SLC2A2: variants seen among roughly 807,000 people sequenced by gnomAD.
The protein encoded by SLC2A2 is solute carrier family 2 member 2, also known as solute carrier family 2, facilitated glucose transporter member 2.
SLC2A2 carries 36 observed loss-of-function variants against 54.5 expected under a neutral mutation model. The ratio of observed to expected loss-of-function variants is 0.66; its 90% CI spans 0.51 to 0.87. The LOEUF is 0.87. SLC2A2 is among the 40% of genes least tolerant of loss of function. The probability of loss-of-function intolerance (pLI) is 0.00; values close to 1 mark genes in which losing one functional copy is unlikely to be tolerated. For missense variants in SLC2A2, 543 were observed against 624.3 expected (o/e 0.87, Z 1.39); for synonymous variants, 223 against 219.1 (o/e 1.02, Z -0.16).
intron 2 of SLC2A2, among the ~76,000 whole-genome samples, chr3:171,014,936 G>A (rs1716072694): frequency 6.6e-6 from 1 of 152,078 alleles, no homozygotes; most frequent in Admixed American, 6.5e-5. Flanking sequence ...AACCAGGCAG[G>A]AACAAATAAA....
At chr3:171,025,482 T>C (rs1201994400) in intron 1 of SLC2A2, among the ~76,000 whole-genome samples, 2 of 152,150 alleles carry the variant, frequency 1.3e-5, no homozygotes, top group East Asian at 1.9e-4. Flanking sequence ...GAATATCCCA[T>C]ATTATATCAC....
intron 7 of SLC2A2, among the ~76,000 whole-genome samples, chr3:171,004,911 C>T (rs1715520316): frequency 6.6e-6 from 1 of 151,966 alleles, no homozygotes; most frequent in African/African-American, 2.4e-5. Flanking sequence ...GAACCCTTGA[C>T]TCCATTTGGC....
intron 2 of SLC2A2, among the ~76,000 whole-genome samples, chr3:171,017,040 C>A (rs1184387162): frequency 6.6e-6 from 1 of 151,800 alleles, no homozygotes; most frequent in East Asian, 1.9e-4. Flanking sequence ...TTAGTAGAGA[C>A]AGGGTTTCTC....
At chr3:171,004,659 A>G (rs1996220) in intron 7 of SLC2A2, among the ~76,000 whole-genome samples, 31,584 of 151,712 alleles carry the variant, frequency 0.21, 4,486 homozygotes, top group African/African-American at 0.41. Context: ...AATTGTCAGT[A>G]GAACCATCTT....
intron 3 of SLC2A2, among the ~76,000 whole-genome samples, chr3:171,014,093 G>A (rs2108255799): frequency 6.6e-6 from 1 of 152,328 alleles, no homozygotes. Context: ...GAGACATAGT[G>A]TGATTTGGTG....
intron 6 of SLC2A2, 141 bp downstream of exon 6, chr3:171,005,802 A>C: frequency 4.9e-6 from 4 of 820,824 alleles, no homozygotes; most frequent in Non-Finnish European, 8.1e-6. Flanking sequence ...ATGGGTGCCA[A>C]ATGACATGCA....
intron 1 of SLC2A2, among the ~76,000 whole-genome samples, chr3:171,020,143 G>A (rs1446179790): frequency 1.3e-5 from 2 of 152,130 alleles, no homozygotes; most frequent in African/African-American, 4.8e-5. Flanking sequence ...TGGGGTGATA[G>A]TAAATCTCCC....
At chr3:171,006,630 C>T (rs1035297575) in intron 5 of SLC2A2, among the ~76,000 whole-genome samples, 7 of 151,894 alleles carry the variant, frequency 4.6e-5, no homozygotes, top group Admixed American at 1.3e-4. Flanking sequence ...TATAGACTAC[C>T]CTCTGGATTG....
At chr3:171,026,533 G>C in intron 1 of SLC2A2, 123 bp downstream of exon 1, 1 of 833,028 alleles carries the variant, frequency 1.2e-6, no homozygotes, top group Non-Finnish European at 2.1e-6. Flanking sequence ...GCAAAGTAAA[G>C]AGAATTAATT....
intron 8 of SLC2A2, among the ~76,000 whole-genome samples, chr3:171,000,283 A>C (rs1480292772): frequency 2.0e-5 from 3 of 152,080 alleles, no homozygotes; most frequent in African/African-American, 7.2e-5. Context: ...AGTTCATTAA[A>C]TTTCTCTCTA....
Position 171,010,281 on chromosome 3 carries a change from A to G in SLC2A2, c.372-199T>C, listed in dbSNP as rs73879255. Among the ~76,000 whole-genome samples, 350 of 152,234 alleles carry G rather than the reference A, an allele frequency of 2.3e-3. 2 individuals are homozygous for G. Among genetic ancestry groups the G allele is most frequent in the African/African-American group, 8.3e-3 (344 of 41,562 alleles). Reference sequence around the variant, plus strand: ...AAAGTATTACTAATAAGCAAGACTTATGATGGGATAACCTAGGTTGCATCC... The same window carrying G: ...AAAGTATTACTAATAAGCAAGACTTGTGATGGGATAACCTAGGTTGCATCC... On this transcript the variant is annotated intron_variant, in intron 3 of 10. Transcript: ENST00000314251.
chr3:171,014,459 AT>A lies in SLC2A2; in HGVS notation c.371+9del, dbSNP rs761364319. The A allele has an allele frequency of 6.2e-7, 1 of 1,613,784 alleles. No individual in the cohort carries two copies. The highest frequency in any genetic ancestry group is 8.5e-7 in the Non-Finnish European group (1 of 1,179,796). ...GTTTCTGTTTATGCTTATTTATGAA[AT>A]TTGCCTACCTTCCAAGTGTGTCCCC... On this transcript the variant is annotated intron_variant, in intron 3 of 10. Transcript: ENST00000314251.
intron 1 of SLC2A2, among the ~76,000 whole-genome samples, chr3:171,019,746 G>C (rs1190029891): frequency 6.6e-6 from 1 of 152,140 alleles, no homozygotes; most frequent in Non-Finnish European, 1.5e-5. Flanking sequence ...TTTAAGTGGC[G>C]AAGGAAGTTA....
At chr3:171,025,311 TTATAA>T (rs1462051999) in intron 1 of SLC2A2, among the ~76,000 whole-genome samples, 6 of 94,770 alleles carry the variant, frequency 6.3e-5, no homozygotes, top group South Asian at 3.0e-4. Flanking sequence ...TGTTTATACA[TTATAA>T]TATAATTTAT....
chr3:171,004,972 C>G (rs1715522052), intron 7 of SLC2A2, among the ~76,000 whole-genome samples: 1 of 151,926 alleles, frequency 6.6e-6, no homozygotes, highest in African/African-American at 2.4e-5. Flanking sequence ...AAGCTCCTTG[C>G]AGTTTTTTGG....
chr3:171,005,942 C>T lies in SLC2A2; in HGVS notation c.775+1G>A, dbSNP rs756874949. On this transcript the variant is annotated splice_donor_variant, in intron 6 of 10. Transcript: ENST00000314251. LOFTEE classifies it high-confidence loss of function. Reference sequence around the variant, plus strand: ...GAAAGAAAAACCATCCACAGACTTACTTTGTTTTGCTTTGACTTCCTCATC... The same window carrying T: ...GAAAGAAAAACCATCCACAGACTTATTTTGTTTTGCTTTGACTTCCTCATC... 6 of 1,611,752 alleles carry T rather than the reference C, an allele frequency of 3.7e-6. No homozygotes were observed. In the African/African-American group the frequency reaches 5.3e-5, roughly 14 times the overall value.
At chr3:171,019,942 C>T (rs1716374628) in intron 1 of SLC2A2, among the ~76,000 whole-genome samples, 1 of 152,028 alleles carries the variant, frequency 6.6e-6, no homozygotes, top group Admixed American at 6.6e-5. Flanking sequence ...TTCTTGTATT[C>T]ATATGATTAG....
chr3:171,009,540 A>G (rs1243015716), intron 4 of SLC2A2, among the ~76,000 whole-genome samples: 2 of 152,060 alleles, frequency 1.3e-5, no homozygotes, highest in Non-Finnish European at 2.9e-5. Context: ...ACTGTCTGCT[A>G]TACCACAGCA....
At chr3:171,022,175 T>C (rs974272814) in intron 1 of SLC2A2, among the ~76,000 whole-genome samples, 2 of 152,218 alleles carry the variant, frequency 1.3e-5, no homozygotes, top group Non-Finnish European at 2.9e-5. Context: ...TAGTTTAACA[T>C]CTCACAGTTA....
Sources: allele counts gnomAD v4.1 joint callset (sites outside exome capture counted in the v4.1 genomes callset), GRCh38; gene constraint gnomAD v4.1.1; transcripts MANE v1.5; gene names NCBI Gene and HGNC (gene_info 2026-07-23, HGNC 2026-07-21).